The following CASKIN1 variants were observed in gnomAD, a reference collection of about 807,000 sequenced individuals.
CASKIN1 encodes the protein CASK interacting protein 1, also known as caskin-1.
In CASKIN1, 42 loss-of-function variants were observed where a neutral mutation model predicts 117.5. The ratio of observed to expected loss-of-function variants is 0.36; its 90% CI spans 0.28 to 0.46. CASKIN1 has a LOEUF of 0.46. CASKIN1 is among the 20% of genes least tolerant of loss of function. The pLI is 1.00. For missense variants in CASKIN1, 2,083 were observed against 2,077.3 expected (o/e 1.00, Z -0.05); for synonymous variants, 1,148 against 961.7 (o/e 1.19, Z -3.59).
At position 2,190,140 on chromosome 16, in the gene CASKIN1, G is replaced by A. The variant is rs368503373; in HGVS notation, c.177C>T (p.Asn59=). The part of the protein sequence containing the change: ...GFSALHHAAL[N]GNTELISLLL... ...GCAGGCTGATCAATTCCGTGTTGCC[G>A]TTCAGGGCCGCATGGTGCAGAGCCG... Residue 59 remains asparagine (N), a synonymous_variant, in exon 3 of 20, where the codon AAC becomes AAT. Coordinates refer to ENST00000343516, the MANE Select transcript of CASKIN1 (RefSeq NM_020764.4). 2.9e-5 allele frequency: 47 copies of A among 1,612,878 alleles called. No individual in the cohort carries two copies. In the African/African-American group the frequency reaches 4.3e-4, roughly 15 times the overall value.
rs765106359 is a variant in CASKIN1, at chr16:2,189,094, C to T, written c.550G>A (p.Ala184Thr). The change falls in exon 6 of 20, where the codon GCC (alanine) becomes ACC (threonine). Residue 184 changes from alanine to threonine, a missense_variant. Ala to Thr is a moderately conservative substitution (Grantham distance 58, BLOSUM62 0). Around this residue, in one of 3 missense-constraint regions of CASKIN1, gnomAD observed 203 missense variants for 338.7 expected, o/e 0.60. Coordinates refer to ENST00000343516, the MANE Select transcript of CASKIN1 (RefSeq NM_020764.4). ...GGGCTGGTGCCGTTGGGGTCGGTGG[C>T]GTCTCCCGGCCGGGGCTCCAGCAGC... ...AALLEPRPGD[A>T]TDPNGTSPLH... 6.2e-6 allele frequency: 10 copies of T among 1,613,362 alleles called. No homozygotes were observed. The highest frequency in any genetic ancestry group is 3.3e-5 in the Admixed American group (2 of 59,982).
chr16:2,189,939 A>T, intron 3 of CASKIN1, 134 bp downstream of exon 3: 1 of 806,162 alleles, frequency 1.2e-6, no homozygotes, highest in East Asian at 2.8e-5. Context: ...CAGGACCCTG[A>T]TCCCAGGAGG....
chr16:2,191,040 G>A (rs528158774), intron 1 of CASKIN1, among the ~76,000 whole-genome samples: 3 of 152,208 alleles, frequency 2.0e-5, no homozygotes, highest in Admixed American at 6.5e-5. Flanking sequence ...GGGGCCCCCC[G>A]CATCCTGGCC....
At position 2,181,128 on chromosome 16, in the gene CASKIN1, T is replaced by C; in HGVS notation, c.2240A>G (p.His747Arg). Residue 747 changes from histidine (H) to arginine (R), a missense_variant, in exon 18 of 20, where the codon CAC becomes CGC. By Grantham distance (29) the His-to-Arg change is conservative (BLOSUM62 0). Around this residue, in one of 3 missense-constraint regions of CASKIN1, gnomAD observed 1,818 missense variants for 1,688.9 expected, o/e 1.08. Coordinates refer to ENST00000343516, the MANE Select transcript of CASKIN1 (RefSeq NM_020764.4). ...GCTGGCCCTCTTGATGCTGTGGCCG[T>C]GGCGGCCGGGCCGGGCCTCCCTGGG... is the stretch of plus-strand genomic sequence containing the variant. ...TPPREARPGR[H>R]GHSIKRASVP... The C allele has an allele frequency of 1.4e-6, 2 of 1,478,696 alleles. No homozygotes were observed. The highest frequency in any genetic ancestry group is 1.8e-6 in the Non-Finnish European group (2 of 1,123,932). 91.6% of individuals were successfully genotyped at this position (1,478,696 alleles called of 1,614,324 possible). A position where few individuals can be genotyped will look rare whatever the true frequency, so the allele number is the denominator to read the frequency against.
At chr16:2,188,938 C>T in intron 6 of CASKIN1, 89 bp downstream of exon 6, 1 of 1,525,482 alleles carries the variant, frequency 6.6e-7, no homozygotes, top group South Asian at 1.3e-5. Flanking sequence ...CCGCCCTATC[C>T]CCAAGCCAGA....
At position 2,180,023 on chromosome 16, in the gene CASKIN1, C is replaced by A; in HGVS notation, c.3345G>T (p.Leu1115Phe). ...KGEAGVEGPP[L>F]AKVEASATLK... ...GTGTGGCGCTGGCTTCCACCTTGGC[C>A]AAGGGCGGGCCTTCGACACCCGCCT... is the stretch of plus-strand genomic sequence containing the variant. Residue 1115 changes from leucine (L) to phenylalanine (F), a missense_variant, in exon 18 of 20, where the codon TTG becomes TTT. Physicochemically the swap from Leu to Phe is conservative, Grantham distance 22. This residue lies in a region of CASKIN1 where 1,818 missense variants were observed against 1,688.9 expected (regional missense o/e 1.08). Coordinates refer to ENST00000343516, the MANE Select transcript of CASKIN1 (RefSeq NM_020764.4). The A allele has an allele frequency of 6.3e-7, 1 of 1,592,358 alleles. No individual in the cohort carries two copies. The highest frequency in any genetic ancestry group is 8.6e-7 in the Non-Finnish European group (1 of 1,169,252).
rs563407426 is a variant in CASKIN1, at chr16:2,181,299, G to C, written c.2069C>G (p.Thr690Arg). Residue 690 changes from threonine (T) to arginine (R), a missense_variant, in exon 18 of 20, where the codon ACG (threonine) becomes AGG (arginine). By Grantham distance (71) the Thr-to-Arg change is moderately conservative. Transcript: ENST00000343516. ...ACCACCCAGGCTGGAGTCCTGCCGC[G>C]TGGTGGCCCTCGGGGTGGGTGGCAG... is the stretch of plus-strand genomic sequence containing the variant. ...SHLPPTPRATTRQDSSLGGRA... is the reference protein window; with the variant it reads ...SHLPPTPRATRRQDSSLGGRA... 1 of 1,603,620 alleles carries C rather than the reference G, an allele frequency of 6.2e-7. No homozygotes were observed. Among genetic ancestry groups the C allele is most frequent in the Non-Finnish European group, 8.5e-7 (1 of 1,178,832 alleles).
At position 2,177,962 on chromosome 16, in the gene CASKIN1, C is replaced by T. The variant is rs2093147811; in HGVS notation, c.*588G>A. 1 of 369,802 alleles carries T rather than the reference C, an allele frequency of 2.7e-6. No individual in the cohort carries two copies. The highest frequency in any genetic ancestry group is 2.6e-5 in the South Asian group (1 of 37,938). 22.9% of individuals were successfully genotyped at this position (369,802 alleles called of 1,614,324 possible). On this transcript the variant is annotated 3_prime_UTR_variant, in exon 20 of 20. Coordinates refer to ENST00000343516, the MANE Select transcript of CASKIN1 (RefSeq NM_020764.4). ...GGCAGACAGCCTGGGCCTCTAACAGCTTTTGTCCGGAGCTAGACTTCGTGT... is the reference window on the plus strand; with the variant it reads ...GGCAGACAGCCTGGGCCTCTAACAGTTTTTGTCCGGAGCTAGACTTCGTGT...
chr16:2,180,841 C>A lies in CASKIN1; in HGVS notation c.2527G>T (p.Glu843Ter). Residue 843 changes from glutamate to a stop codon, truncating the protein, a stop_gained, in exon 18 of 20, where the codon GAG becomes TAG. Coordinates refer to ENST00000343516, the MANE Select transcript of CASKIN1 (RefSeq NM_020764.4). LOFTEE classifies it high-confidence loss of function. ...GGCCCCGGGGCAGCCGGCCCCACCTCGCCCTCCACGGGCTGGGGCAGCACG... is the reference window on the plus strand; with the variant it reads ...GGCCCCGGGGCAGCCGGCCCCACCTAGCCCTCCACGGGCTGGGGCAGCACG... ...AYVLPQPVEG[E>*]VGPAAPGPAP... 1 of 1,386,162 alleles carries A rather than the reference C, an allele frequency of 7.2e-7. No homozygotes were observed. Among genetic ancestry groups the A allele is most frequent in the East Asian group, 2.8e-5 (1 of 35,158 alleles). The allele number at this position is 1,386,162 out of a possible 1,614,324, so 85.9% of individuals were successfully genotyped here.
rs1467892707 is a variant in CASKIN1, at chr16:2,182,830, G to A, written c.1629+816C>T. Among the ~76,000 whole-genome samples the A allele has an allele frequency of 1.5e-4, 23 of 152,228 alleles. 1 individual carries two copies. Among genetic ancestry groups the A allele is most frequent in the East Asian group, 3.8e-4 (2 of 5,202 alleles). ...GTTTGAGACGGAGCCTCGCTCTGTC[G>A]CCCAGGCTGGAGTGCAGTGGCGCAA... On this transcript the variant is annotated intron_variant, in intron 16 of 19. Coordinates refer to ENST00000343516, the MANE Select transcript of CASKIN1 (RefSeq NM_020764.4). This position sits in a 1 kb window ranked among gnomAD's most constrained non-coding sequence, Gnocchi z 4.1.
At position 2,179,066 on chromosome 16, in the gene CASKIN1, G is replaced by A; in HGVS notation, c.4035C>T (p.Ala1345=). Residue 1345 remains alanine (A), a synonymous_variant, in exon 19 of 20, where the codon GCC becomes GCT. Coordinates refer to ENST00000343516, the MANE Select transcript of CASKIN1 (RefSeq NM_020764.4). The surrounding 1 kb of genome is among the most constrained non-coding windows in gnomAD (Gnocchi z 5.8). ...CGGCGGCGGCGGCGGCGGCGGCGGC[G>A]GCTCGCGGGGGCTTGGCGGGCACGT... The part of the protein sequence containing the change: ...ALHVPAKPPR[A]AAAAAAAAAA... The A allele has an allele frequency of 1.0e-6, 1 of 986,218 alleles. No individual in the cohort carries two copies. The highest frequency in any genetic ancestry group is 1.2e-6 in the Non-Finnish European group (1 of 832,294). 61.1% of individuals were successfully genotyped at this position (986,218 alleles called of 1,614,324 possible).
chr16:2,190,382 G>C (rs1434919257), intron 1 of CASKIN1, 24 bp from the exon 2 acceptor site: 2 of 1,560,604 alleles, frequency 1.3e-6, no homozygotes, highest in Non-Finnish European at 1.7e-6. Flanking sequence ...GAGACTCAGT[G>C]AGGGGAGGCT....
rs2093164940 is a variant in CASKIN1 at position 2,180,771 on chromosome 16, G to A, written c.2597C>T (p.Pro866Leu). 7 of 1,430,838 alleles carry A rather than the reference G, an allele frequency of 4.9e-6. No individual in the cohort carries two copies. The highest frequency in any genetic ancestry group is 4.5e-6 in the Non-Finnish European group (5 of 1,100,718). The allele number at this position is 1,430,838 out of a possible 1,614,324, so 88.6% of individuals were successfully genotyped here. A position where few individuals can be genotyped will look rare whatever the true frequency, so the allele number is the denominator to read the frequency against. ...VPTAVPTLCL[P>L]PEADAEPGRP... ...CCCCGGCTCCGCGTCGGCCTCAGGGGGCAGGCACAGTGTGGGCACAGCCGT... is the reference window on the plus strand; with the variant it reads ...CCCCGGCTCCGCGTCGGCCTCAGGGAGCAGGCACAGTGTGGGCACAGCCGT... The change falls in exon 18 of 20, where the codon CCC becomes CTC. Residue 866 changes from proline to leucine, a missense_variant. Pro to Leu is a moderately conservative substitution (Grantham distance 98). Around this residue, in one of 3 missense-constraint regions of CASKIN1, gnomAD observed 1,818 missense variants for 1,688.9 expected, o/e 1.08. Transcript: ENST00000343516.
intron 1 of CASKIN1, among the ~76,000 whole-genome samples, chr16:2,194,930 A>G (rs1413146606): frequency 6.6e-6 from 1 of 152,220 alleles, no homozygotes; most frequent in East Asian, 1.9e-4. Flanking sequence ...GCAAGTGCCC[A>G]GGCTCACTGG....
At position 2,182,010 on chromosome 16, in the gene CASKIN1, G is replaced by A; in HGVS notation, c.1630-81C>T. ...TCTACCTGGAGCTGGAGGAGGAAGG[G>A]TCACCGGGCCAGCAGGGCACAGACA... On this transcript the variant is annotated intron_variant, in intron 16 of 19. Transcript: ENST00000343516. The surrounding 1 kb of genome is among the most constrained non-coding windows in gnomAD (Gnocchi z 4.1). The A allele has an allele frequency of 6.3e-7, 1 of 1,588,766 alleles. No individual in the cohort carries two copies.
chr16:2,183,731 C>A lies in CASKIN1; in HGVS notation c.1544G>T (p.Gly515Val). The A allele has an allele frequency of 6.2e-7, 1 of 1,613,344 alleles. No individual in the cohort carries two copies. The highest frequency in any genetic ancestry group is 8.5e-7 in the Non-Finnish European group (1 of 1,179,988). The change falls in exon 16 of 20, where the codon GGT becomes GTT. Residue 515 changes from glycine (G) to valine (V), a missense_variant. Physicochemically the swap from Gly to Val is moderately radical, Grantham distance 109 (BLOSUM62 -3). This residue lies in a region of CASKIN1 where 1,818 missense variants were observed against 1,688.9 expected (regional missense o/e 1.08). Transcript: ENST00000343516. ...CTTCCGGTGGCCCGGCTTGGTGACACCAATGGCCGTGAGGTCCTAGGCAGT... is the reference window on the plus strand; with the variant it reads ...CTTCCGGTGGCCCGGCTTGGTGACAACAATGGCCGTGAGGTCCTAGGCAGT... ...RMTPEDLTAIGVTKPGHRKKI... is the reference protein window; with the variant it reads ...RMTPEDLTAIVVTKPGHRKKI...
Position 2,189,349 on chromosome 16 carries a change from G to GCAT in CASKIN1, c.391-17_391-16insATG, listed in dbSNP as rs1567263049. 6.2e-7 allele frequency: 1 copy of GCAT among 1,612,508 alleles called. No homozygotes were observed. Among genetic ancestry groups the GCAT allele is most frequent in the South Asian group, 1.1e-5 (1 of 91,050 alleles). ...GCATCTCAGACTGGGGGCCAAGGGC[G>GCAT]CAGTCAGGTCCGCACATCCTCAGGC... On this transcript the variant is annotated splice_polypyrimidine_tract_variant and intron_variant, in intron 4 of 19. Coordinates refer to ENST00000343516, the MANE Select transcript of CASKIN1 (RefSeq NM_020764.4).
chr16:2,186,633 C>G, intron 10 of CASKIN1, 74 bp downstream of exon 10: 1 of 1,367,982 alleles, frequency 7.3e-7, no homozygotes, highest in Non-Finnish European at 1.0e-6. Context: ...CCCCCACACC[C>G]TCAGCACACT....
At position 2,179,335 on chromosome 16, in the gene CASKIN1, G is replaced by A. The variant is rs994877659; in HGVS notation, c.3776-10C>T. On this transcript the variant is annotated splice_polypyrimidine_tract_variant and intron_variant, in intron 18 of 19. Coordinates refer to ENST00000343516, the MANE Select transcript of CASKIN1 (RefSeq NM_020764.4). The surrounding 1 kb of genome is among the most constrained non-coding windows in gnomAD (Gnocchi z 5.8). ...TGGGCGCGCTTCACCTCTGCGGGGA[G>A]GACCACGCTGGCACCGAGCGGGCAC... 1.5e-5 allele frequency: 20 copies of A among 1,290,736 alleles called. No individual in the cohort carries two copies. The highest frequency in any genetic ancestry group is 1.9e-5 in the Non-Finnish European group (19 of 1,023,848). 80.0% of individuals were successfully genotyped at this position (1,290,736 alleles called of 1,614,324 possible).
Sources: allele counts gnomAD v4.1 joint callset (sites outside exome capture counted in the v4.1 genomes callset), GRCh38; gene constraint gnomAD v4.1.1; regional missense constraint gnomAD v4.1.1; non-coding constraint Gnocchi (gnomAD v3.1); transcripts MANE v1.5; gene names NCBI Gene and HGNC (gene_info 2026-07-23, HGNC 2026-07-21).